Variants in CD34 observed in about 807,000 individuals in gnomAD.
CD34 encodes hematopoietic progenitor cell antigen CD34.
In CD34, 34 loss-of-function variants were observed where a neutral mutation model predicts 40.1. The ratio of observed to expected loss-of-function variants is 0.85; its 90% CI spans 0.65 to 1.13. The LOEUF is 1.13. Ranked by LOEUF, CD34 falls within the 50% of genes most tolerant of loss-of-function variation. The pLI is 0.00. For synonymous variants in CD34, 209 were observed against 190.0 expected (o/e 1.10, Z -0.82); for missense variants, 426 against 466.9 (o/e 0.91, Z 0.81).
Position 207,882,729 on chromosome 1 carries a change from C to A in CD34, c.*5009G>T, listed in dbSNP as rs1661829951. 1 of 152,228 alleles carries A rather than the reference C, an allele frequency of 6.6e-6. No individual in the cohort carries two copies. Among genetic ancestry groups the A allele is most frequent in the Non-Finnish European group, 1.5e-5 (1 of 68,082 alleles). 9.4% of individuals were successfully genotyped at this position (152,228 alleles called of 1,614,324 possible). On this transcript the variant is annotated 3_prime_UTR_variant, in exon 8 of 8. Transcript: ENST00000310833. ...TGGAACAATCACCCTCACTTTGCTC[C>A]TGGGACAAGGCTTCTTCCTCTCTCG...
At chr1:207,901,395 A>G (rs1662269265) in intron 1 of CD34, among the ~76,000 whole-genome samples, 1 of 152,260 alleles carries the variant, frequency 6.6e-6, no homozygotes, top group East Asian at 1.9e-4. Flanking sequence ...GAACTGCAGC[A>G]CAAGGGTGTA....
In CD34 at chr1:207,899,838, G is replaced by A; in HGVS notation, c.245C>T (p.Ala82Val). 1 of 1,611,440 alleles carries A rather than the reference G, an allele frequency of 6.2e-7. No individual in the cohort carries two copies. Among genetic ancestry groups the A allele is most frequent in the Admixed American group, 1.7e-5 (1 of 59,550 alleles). ...LHPVSQHGNE[A>V]TTNITETTVK... The stretch of plus-strand genomic sequence containing the variant: ...GTTTTTACCTGTGATGTTTGTTGTG[G>A]CCTCATTGCCATGTTGAGACACAGG... The change falls in exon 2 of 8, where the codon GCC (alanine) becomes GTC (valine). Residue 82 changes from alanine (A) to valine (V), a missense_variant. Transcript: ENST00000310833.
chr1:207,903,667 A>T (rs1300320246), intron 1 of CD34, among the ~76,000 whole-genome samples: 1 of 152,246 alleles, frequency 6.6e-6, no homozygotes, highest in Non-Finnish European at 1.5e-5. Context: ...TCATGCACTG[A>T]ACTTTCAGGT....
At chr1:207,892,639 A>C (rs1336334881) in intron 4 of CD34, among the ~76,000 whole-genome samples, 3 of 152,026 alleles carry the variant, frequency 2.0e-5, no homozygotes, top group African/African-American at 7.2e-5. Context: ...CACTAGATAA[A>C]TAGCAGCTGC....
rs138709184 is a variant in CD34, at chr1:207,882,518, T to C, written c.*5220A>G. The C allele has an allele frequency of 2.6e-4, 39 of 152,246 alleles. No individual in the cohort carries two copies. The highest frequency in any genetic ancestry group is 1.6e-3 in the Admixed American group (25 of 15,306). The allele number at this position is 152,246 out of a possible 1,614,324, so 9.4% of individuals were successfully genotyped here. ...AAAAAACCATTAACAGATGCCAACA[T>C]TGAGATGATAAAGATGTTGAAACCA... is the stretch of plus-strand genomic sequence containing the variant. On this transcript the variant is annotated 3_prime_UTR_variant, in exon 8 of 8. Transcript: ENST00000310833.
Position 207,887,928 on chromosome 1 carries a change from A to G in CD34, c.973-5T>C. On this transcript the variant is annotated splice_region_variant and splice_polypyrimidine_tract_variant and intron_variant, in intron 7 of 7. Transcript: ENST00000310833. ...CGTGTAATAAGGGTCTTCGCCCTAG[A>G]CAGTGTATAAATAAAGTAGCATTAT... The G allele has an allele frequency of 1.2e-6, 2 of 1,612,554 alleles. No individual in the cohort carries two copies. The highest frequency in any genetic ancestry group is 1.7e-6 in the Non-Finnish European group (2 of 1,179,384).
At chr1:207,895,272 A>G (rs1333297942) in intron 4 of CD34, among the ~76,000 whole-genome samples, 1 of 152,228 alleles carries the variant, frequency 6.6e-6, no homozygotes. Flanking sequence ...ATTTTGGAAC[A>G]GGATAGCAAG....
intron 5 of CD34, 50 bp from the exon 6 acceptor site, chr1:207,889,263 C>T: frequency 6.2e-7 from 1 of 1,613,556 alleles, no homozygotes. Context: ...CCAGCTTATC[C>T]TGCTCCACCC....
chr1:207,894,973 T>C (rs1011504982), intron 4 of CD34, among the ~76,000 whole-genome samples: 4 of 152,170 alleles, frequency 2.6e-5, no homozygotes, highest in Non-Finnish European at 4.4e-5. Context: ...TATATTCCTG[T>C]TATGGGCATA....
intron 4 of CD34, among the ~76,000 whole-genome samples, chr1:207,891,650 C>T (rs1662039156): frequency 6.6e-6 from 1 of 151,364 alleles, no homozygotes; most frequent in Non-Finnish European, 1.5e-5. Flanking sequence ...TGACAGAGAC[C>T]CTGGCTCAAA....
At chr1:207,891,135 G>T (rs1023536665) in intron 4 of CD34, among the ~76,000 whole-genome samples, 1 of 152,104 alleles carries the variant, frequency 6.6e-6, no homozygotes, top group Non-Finnish European at 1.5e-5. Flanking sequence ...CCCAAGAGAG[G>T]CAGAGGGACA....
chr1:207,894,177 A>G (rs184288258), intron 4 of CD34, among the ~76,000 whole-genome samples: 3 of 152,396 alleles, frequency 2.0e-5, no homozygotes, highest in South Asian at 2.1e-4. Context: ...TGAATGGAGA[A>G]GCAAAACAAG....
chr1:207,890,564 A>T (rs1391214961), intron 4 of CD34: 1 of 152,306 alleles, frequency 6.6e-6, no homozygotes, highest in Non-Finnish European at 1.5e-5. Context: ...CCCAGTTGGA[A>T]TGGAGCCTGG....
In CD34 at chr1:207,887,886, T is replaced by G. The variant is rs1405093374; in HGVS notation, c.1010A>C (p.Gln337Pro). ...GGTCCCAGGTCCTGAGCTATAGCCC[T>G]GGCCTCCACCGTTTTCCGTGTAATA... ...DPYYTENGGG[Q>P]GYSSGPGTSP... The change falls in exon 8 of 8, where the codon CAG becomes CCG. Residue 337 changes from glutamine (Q) to proline (P), a missense_variant. Coordinates refer to ENST00000310833, the MANE Select transcript of CD34 (RefSeq NM_001025109.2). 6.2e-7 allele frequency: 1 copy of G among 1,614,032 alleles called. No homozygotes were observed. The highest frequency in any genetic ancestry group is 1.3e-5 in the African/African-American group (1 of 74,910).
chr1:207,884,513 T>A lies in CD34; in HGVS notation c.*3225A>T, dbSNP rs1346174056. The A allele has an allele frequency of 1.6e-4, 24 of 152,336 alleles. 1 individual carries two copies. In the East Asian group the frequency reaches 1.7e-3, roughly 11 times the overall value. 9.4% of individuals were successfully genotyped at this position (152,336 alleles called of 1,614,324 possible). A position where few individuals can be genotyped will look rare whatever the true frequency, so the allele number is the denominator to read the frequency against. On this transcript the variant is annotated 3_prime_UTR_variant, in exon 8 of 8. Transcript: ENST00000310833. Reference sequence around the variant, plus strand: ...TGATTGAATGGTGGCTGGAAGCCTCTTCGATGGGGGCTTTAGGAAGAGAAG... The same window carrying A: ...TGATTGAATGGTGGCTGGAAGCCTCATCGATGGGGGCTTTAGGAAGAGAAG...
Position 207,905,198 on chromosome 1 carries a change from C to T in CD34, c.80-5195G>A, listed in dbSNP as rs528369474. ...TTGCCCAGGCTGGAGTGCAGTGGCA[C>T]GATCTTGGCTGGCTGCAACCACTGC... is the stretch of plus-strand genomic sequence containing the variant. On this transcript the variant is annotated intron_variant, in intron 1 of 7. Transcript: ENST00000310833. 6.6e-5 allele frequency among the ~76,000 whole-genome samples: 10 copies of T among 152,292 alleles called. No individual in the cohort carries two copies. The East Asian group carries it at 7.7e-4, about 12-fold the overall frequency.
At chr1:207,902,176 A>G (rs1168251791) in intron 1 of CD34, among the ~76,000 whole-genome samples, 2 of 152,228 alleles carry the variant, frequency 1.3e-5, no homozygotes, top group African/African-American at 2.4e-5. Flanking sequence ...GGGAGAAGGA[A>G]TATCACTATC....
At chr1:207,894,911 C>A (rs6690888) in intron 4 of CD34, among the ~76,000 whole-genome samples, 3,359 of 152,216 alleles carry the variant, frequency 0.022, 136 homozygotes, top group African/African-American at 0.077. Context: ...CATATTGGTA[C>A]TCACTATGTG....
rs61821322 is a variant in CD34, at chr1:207,887,658, C to A, written c.*80G>T. The A allele has an allele frequency of 3.8e-6, 6 of 1,579,338 alleles. No individual in the cohort carries two copies. Among genetic ancestry groups the A allele is most frequent in the Non-Finnish European group, 5.2e-6 (6 of 1,161,470 alleles). ...GGTTGGGCGTAAGAGATGTCACCTC[C>A]AGCATGGGGGTAGCACGTGGTCAGA... On this transcript the variant is annotated 3_prime_UTR_variant, in exon 8 of 8. Coordinates refer to ENST00000310833, the MANE Select transcript of CD34 (RefSeq NM_001025109.2).
Sources: gnomAD v4.1 joint callset for allele counts (sites outside exome capture counted in the v4.1 genomes callset) on GRCh38, gnomAD v4.1.1 for gene constraint, MANE v1.5 for transcripts, NCBI Gene and HGNC (gene_info 2026-07-23, HGNC 2026-07-21) for gene names.